Variants in CENPE observed in about 807,000 individuals in gnomAD.
The protein encoded by CENPE is centromere protein E, also known as centromere-associated protein E.
Under a neutral mutation model 336.1 loss-of-function variants are expected in CENPE, and 145 were observed. The observed-to-expected ratio is 0.43, with a 90% CI of 0.38 to 0.50. CENPE has a LOEUF of 0.50. Among genes scored for constraint, CENPE ranks in the 20% least tolerant of loss-of-function variants. The pLI is 0.00. For synonymous variants in CENPE, 1,013 were observed against 984.8 expected, an observed-to-expected ratio of 1.03 and a Z score of -0.54; for missense variants, 2,719 against 3,023.3, an observed-to-expected ratio of 0.90 and a Z score of 2.36.
intron 39 of CENPE, among the ~76,000 whole-genome samples, chr4:103,136,855 T>C (rs1324898313): frequency 1.3e-5 from 2 of 152,152 alleles, no homozygotes; most frequent in African/African-American, 4.8e-5. Context: ...CTACAATCTG[T>C]TTTCTAACCC....
intron 24 of CENPE, among the ~76,000 whole-genome samples, chr4:103,156,261 G>A (rs1453665880): frequency 1.3e-5 from 2 of 152,024 alleles, no homozygotes; most frequent in Non-Finnish European, 2.9e-5. Flanking sequence ...AACCTTAAAG[G>A]GCCCCAAATA....
At chr4:103,172,942 C>G (rs1755534609) in intron 16 of CENPE, among the ~76,000 whole-genome samples, 1 of 151,916 alleles carries the variant, frequency 6.6e-6, no homozygotes, top group South Asian at 2.1e-4. Context: ...CCAAAGTGAT[C>G]CACAGATGTA....
At chr4:103,134,242 T>TC (rs1396808594) in intron 40 of CENPE, among the ~76,000 whole-genome samples, 1 of 152,216 alleles carries the variant, frequency 6.6e-6, no homozygotes, top group Non-Finnish European at 1.5e-5. Flanking sequence ...ACATTACCAA[T>TC]CACCCAGGTT....
At chr4:103,122,754 C>T (rs1409164540) in intron 43 of CENPE, 117 bp downstream of exon 43, 1 of 722,096 alleles carries the variant, frequency 1.4e-6, no homozygotes, top group South Asian at 1.8e-5. Flanking sequence ...AAAAATCAAG[C>T]CCATCACTTA....
At chr4:103,173,891 AAAGAGAATC>A (rs1245462279) in intron 16 of CENPE, among the ~76,000 whole-genome samples, 3 of 151,966 alleles carry the variant, frequency 2.0e-5, no homozygotes, top group Admixed American at 1.3e-4. Flanking sequence ...GATGTGGACA[AAAGAGAATC>A]CTTTTATACT....
chr4:103,195,864 A>T, intron 4 of CENPE, 56 bp downstream of exon 4: 1 of 973,482 alleles, frequency 1.0e-6, no homozygotes, highest in Non-Finnish European at 1.7e-6. Flanking sequence ...TAAGACTGGT[A>T]CCCAGTTTTT....
intron 16 of CENPE, among the ~76,000 whole-genome samples, chr4:103,165,202 TCCATTGCTA>T (rs1322946590): frequency 3.3e-5 from 5 of 152,180 alleles, no homozygotes; most frequent in Non-Finnish European, 7.4e-5. Flanking sequence ...CTACAGTTAA[TCCATTGCTA>T]CCATTTAAAT....
At chr4:103,170,740 GAT>G (rs1755329376) in intron 16 of CENPE, among the ~76,000 whole-genome samples, 1 of 152,146 alleles carries the variant, frequency 6.6e-6, no homozygotes, top group African/African-American at 2.4e-5. Flanking sequence ...CCAATTATAA[GAT>G]AGAGTGGTTG....
At position 103,169,223 on chromosome 4, in the gene CENPE, T is replaced by C. The variant is rs570853466; in HGVS notation, c.1647+5513A>G. Among the ~76,000 whole-genome samples the C allele has an allele frequency of 4.0e-5, 6 of 151,012 alleles. No individual in the cohort carries two copies. The East Asian group carries it at 9.8e-4, about 25-fold the overall frequency. ...AAGAATTTGTGAGCTTGAGACAGGCTATTTTAAAATATAGAGTCAGGAGGC... is the reference window on the plus strand; with the variant it reads ...AAGAATTTGTGAGCTTGAGACAGGCCATTTTAAAATATAGAGTCAGGAGGC... On this transcript the variant is annotated intron_variant, in intron 16 of 48. Coordinates refer to ENST00000265148, the MANE Select transcript of CENPE (RefSeq NM_001813.3).
chr4:103,153,453 A>G (rs1251080356), intron 24 of CENPE, among the ~76,000 whole-genome samples: 2 of 152,206 alleles, frequency 1.3e-5, no homozygotes, highest in African/African-American at 2.4e-5. Context: ...AGAGAGGTAA[A>G]GTCACTTGCC....
At chr4:103,141,389 C>T (rs1226736120) in intron 35 of CENPE, among the ~76,000 whole-genome samples, 1 of 152,148 alleles carries the variant, frequency 6.6e-6, no homozygotes, top group East Asian at 1.9e-4. Flanking sequence ...GTGCTCCTTC[C>T]TAGAGACAGC....
At chr4:103,122,070 CT>C (rs767708274) in intron 43 of CENPE, among the ~76,000 whole-genome samples, 13 of 152,216 alleles carry the variant, frequency 8.5e-5, no homozygotes, top group Non-Finnish European at 1.6e-4. Flanking sequence ...ACCAACTTTC[CT>C]TTTGCTTCTT....
Position 103,181,436 on chromosome 4 carries a change from A to G in CENPE, c.984T>C (p.Tyr328=), listed in dbSNP as rs137947826. The G allele has an allele frequency of 1.1e-4, 173 of 1,571,780 alleles. No individual in the cohort carries two copies. In the African/African-American group the frequency reaches 2.0e-3, roughly 18 times the overall value. The change falls in exon 12 of 49, where the codon TAT becomes TAC. Residue 328 remains tyrosine, a synonymous_variant. Transcript: ENST00000265148. Reference sequence around the variant, plus strand: ...CATTAACATAAGGAGTATTCTTCATATATTTAGCAGTACTGGCAAACTGGA... The same window carrying G: ...CATTAACATAAGGAGTATTCTTCATGTATTTAGCAGTACTGGCAAACTGGA... The part of the protein sequence containing the change: ...TALQFASTAK[Y]MKNTPYVNEV...
At position 103,161,147 on chromosome 4, in the gene CENPE, T is replaced by C; in HGVS notation, c.2070A>G (p.Leu690=). The change falls in exon 20 of 49, where the codon TTA becomes TTG. Residue 690 remains leucine, a synonymous_variant. Transcript: ENST00000265148. ...KKMQVDLEKE[L]QSAFNEITKL... ...TTGTTATCTCATTAAAAGCAGATTG[T>C]AATTCTTTCTCCAGATCAACTTGCA... The C allele has an allele frequency of 1.2e-6, 2 of 1,612,322 alleles. No individual in the cohort carries two copies. Among genetic ancestry groups the C allele is most frequent in the Non-Finnish European group, 1.7e-6 (2 of 1,179,128 alleles).
rs186080193 is a variant in CENPE at position 103,154,096 on chromosome 4, T to G, written c.3034-846A>C. On this transcript the variant is annotated intron_variant, in intron 24 of 48. Transcript: ENST00000265148. ...GGTACAAATTTAGGGTATTATTGTATGACATTACACTAGTTCAGCAAACAG... is the reference window on the plus strand; with the variant it reads ...GGTACAAATTTAGGGTATTATTGTAGGACATTACACTAGTTCAGCAAACAG... Among the ~76,000 whole-genome samples, 7 of 152,244 alleles carry G rather than the reference T, an allele frequency of 4.6e-5. No individual in the cohort carries two copies. In the East Asian group the frequency reaches 1.3e-3, roughly 29 times the overall value.
In CENPE at chr4:103,192,046, T is replaced by G. The variant is rs568253500; in HGVS notation, c.693+2183A>C. Among the ~76,000 whole-genome samples the G allele has an allele frequency of 6.1e-4, 93 of 151,874 alleles. 2 individuals carry two copies. In the South Asian group the frequency reaches 0.018, roughly 30 times the overall value. ...TAAGAGAAGCAGTGAAGGGGTGTCT[T>G]GTTTATTGTTTTTTTAATCTCAGAG... On this transcript the variant is annotated intron_variant, in intron 8 of 48. Coordinates refer to ENST00000265148, the MANE Select transcript of CENPE (RefSeq NM_001813.3).
At chr4:103,159,746 A>C (rs1754277804) in intron 21 of CENPE, among the ~76,000 whole-genome samples, 1 of 151,954 alleles carries the variant, frequency 6.6e-6, no homozygotes, top group Non-Finnish European at 1.5e-5. Flanking sequence ...ATGTTTAATC[A>C]TTTAAAATTG....
chr4:103,177,845 C>T (rs184782253), intron 13 of CENPE, among the ~76,000 whole-genome samples: 119 of 152,024 alleles, frequency 7.8e-4, no homozygotes, highest in African/African-American at 2.6e-3. Flanking sequence ...TTCAAATCCT[C>T]GACTCCAATA....
chr4:103,176,061 A>G lies in CENPE; in HGVS notation c.1391-13T>C, dbSNP rs1755828701. On this transcript the variant is annotated splice_polypyrimidine_tract_variant and intron_variant, in intron 14 of 48. Transcript: ENST00000265148. ...TCTGAACAGACAGCTATAATTAGAG[A>G]AAAAAAAAATTTGTCCATGAACATG... The G allele has an allele frequency of 3.6e-6, 5 of 1,388,482 alleles. No individual in the cohort carries two copies. Among genetic ancestry groups the G allele is most frequent in the African/African-American group, 2.9e-5 (2 of 67,846 alleles). 86.0% of individuals were successfully genotyped at this position (1,388,482 alleles called of 1,614,324 possible). A position where few individuals can be genotyped will look rare whatever the true frequency, so the allele number is the denominator to read the frequency against.
Sources: gnomAD v4.1 joint callset for allele counts (sites outside exome capture counted in the v4.1 genomes callset) on GRCh38, gnomAD v4.1.1 for gene constraint, MANE v1.5 for transcripts, NCBI Gene and HGNC (gene_info 2026-07-23, HGNC 2026-07-21) for gene names.